SPRY3: variants seen among roughly 807,000 people sequenced by gnomAD.
SPRY3 encodes sprouty RTK signaling antagonist 3, also known as protein sprouty homolog 3.
A neutral mutation model predicts 20.2 loss-of-function variants in SPRY3; 15 were observed. That is an observed-to-expected ratio of 0.74 (90% CI 0.50 to 1.14). The LOEUF is 1.14. SPRY3 is among the 50% of genes most tolerant of loss of function. The pLI is 0.00. For synonymous variants in SPRY3, 143 were observed against 136.5 expected, an observed-to-expected ratio of 1.05 and a Z score of -0.33; for missense variants, 364 against 363.9, an observed-to-expected ratio of 1.00 and a Z score of 0.00.
At chrX:155,655,608 A>G (rs1228247407) in intron 1 of SPRY3, among the ~76,000 whole-genome samples, 1 of 111,836 alleles carries the variant, frequency 8.9e-6, no homozygotes, top group Non-Finnish European at 1.9e-5. Context: ...TATATTGAAT[A>G]GACTGACCTT....
At chrX:155,670,179 A>T (rs1301899580) in intron 2 of SPRY3, among the ~76,000 whole-genome samples, 2 of 111,629 alleles carry the variant, frequency 1.8e-5, no homozygotes, top group African/African-American at 6.5e-5. Flanking sequence ...ATTTGAACCC[A>T]GGTCTATCTC....
At chrX:155,746,977 A>G (rs1490346446) in intron 2 of SPRY3, among the ~76,000 whole-genome samples, 1 of 151,856 alleles carries the variant, frequency 6.6e-6, no homozygotes, top group African/African-American at 2.4e-5. Flanking sequence ...TCTTGGCTCC[A>G]AACTGTGGAT....
chrX:155,737,369 A>G (rs183875847), intron 2 of SPRY3, among the ~76,000 whole-genome samples: 26 of 152,266 alleles, frequency 1.7e-4, no homozygotes, highest in African/African-American at 5.8e-4. Context: ...TGGTGAGCAC[A>G]ATAGAAATAA....
At chrX:155,661,085 T>C (rs2068008433) in intron 2 of SPRY3, among the ~76,000 whole-genome samples, 1 of 111,804 alleles carries the variant, frequency 8.9e-6, no homozygotes, top group South Asian at 3.7e-4. Context: ...GTTATATAGG[T>C]GTTTTTTAGT....
At chrX:155,662,208 T>C (rs1557353766) in intron 2 of SPRY3, among the ~76,000 whole-genome samples, 1 of 111,280 alleles carries the variant, frequency 9.0e-6, no homozygotes. Context: ...GATGAGACTT[T>C]TTGTTTCCCC....
chrX:155,754,911 A>T (rs911648726), intron 2 of SPRY3, among the ~76,000 whole-genome samples: 2 of 152,054 alleles, frequency 1.3e-5, no homozygotes, highest in Non-Finnish European at 1.5e-5. Context: ...TAGATATACA[A>T]CTTACTTTTG....
intron 2 of SPRY3, among the ~76,000 whole-genome samples, chrX:155,742,980 A>G (rs1347161908): frequency 1.3e-5 from 2 of 152,132 alleles, no homozygotes. Context: ...TCAGAGTAGA[A>G]TTGAAGGAGA....
At chrX:155,766,346 T>C (rs1358368487) in intron 2 of SPRY3, among the ~76,000 whole-genome samples, 1 of 152,146 alleles carries the variant, frequency 6.6e-6, no homozygotes, top group East Asian at 1.9e-4. Flanking sequence ...AGCAATTACC[T>C]AATCAGATCC....
chrX:155,768,125 C>A (rs2091355144), exon 3 of SPRY3: 1 of 152,098 alleles, frequency 6.6e-6, no homozygotes, highest in Non-Finnish European at 1.5e-5. Context: ...ATGGATAAAC[C>A]ATTTCCTCAA....
intron 1 of SPRY3, among the ~76,000 whole-genome samples, chrX:155,627,958 T>G (rs1353890546): frequency 1.8e-5 from 2 of 110,868 alleles, no homozygotes; most frequent in Non-Finnish European, 3.8e-5. Context: ...ACTTCCAGCT[T>G]CATCCATGTC....
intron 2 of SPRY3, among the ~76,000 whole-genome samples, chrX:155,719,565 C>T (rs184162342): frequency 8.5e-5 from 13 of 152,184 alleles, no homozygotes; most frequent in African/African-American, 3.1e-4. Context: ...AAAGAGACCC[C>T]TTCCTTCCAC....
chrX:155,698,835 G>A (rs772584783), intron 2 of SPRY3, among the ~76,000 whole-genome samples: 2 of 111,993 alleles, frequency 1.8e-5, no homozygotes, highest in Non-Finnish European at 3.8e-5. Context: ...GGCTATCAAC[G>A]TGTAGTTGGG....
intron 2 of SPRY3, among the ~76,000 whole-genome samples, chrX:155,657,148 G>A (rs1557353075): frequency 1.8e-5 from 2 of 111,976 alleles, no homozygotes; most frequent in African/African-American, 6.5e-5. Flanking sequence ...AACCCTCCTT[G>A]TCAGGATCTG....
At chrX:155,764,164 G>T (rs763117252) in intron 2 of SPRY3, among the ~76,000 whole-genome samples, 3 of 152,246 alleles carry the variant, frequency 2.0e-5, no homozygotes, top group African/African-American at 4.8e-5. Context: ...AAAAGAGAAA[G>T]AAGGCATTGG....
rs926808648 is a variant in SPRY3 at position 155,751,944 on chromosome X, A to AAAAT, written c.-281-16014_-281-16011dup. ...GAAGGGAAATAAAATAAAATAAAAT[A>AAAAT]AAATAAAATAAAATAAAATAAAATA... On this transcript the variant is annotated intron_variant, in intron 2 of 3. Transcript: ENST00000675360. Among the ~76,000 whole-genome samples the AAAAT allele has an allele frequency of 8.5e-5, 5 of 58,506 alleles. 1 individual carries two copies. Among genetic ancestry groups the AAAAT allele is most frequent in the Non-Finnish European group, 1.5e-4 (5 of 33,550 alleles). The allele number at this position is 58,506 out of a possible 152,430, so 38.4% of individuals were successfully genotyped here.
intron 1 of SPRY3, among the ~76,000 whole-genome samples, chrX:155,644,486 G>A (rs782395386): frequency 2.7e-5 from 3 of 110,832 alleles, no homozygotes; most frequent in Non-Finnish European, 5.7e-5. Context: ...GCCAGGTATT[G>A]GCATCAAAGT....
chrX:155,706,939 G>C (rs1285906519), intron 2 of SPRY3, among the ~76,000 whole-genome samples: 3 of 150,610 alleles, frequency 2.0e-5, no homozygotes, highest in East Asian at 3.9e-4. Flanking sequence ...AACAATTTAT[G>C]GTTTAAATGA....
At chrX:155,759,990 T>A (rs1442555843) in intron 2 of SPRY3, among the ~76,000 whole-genome samples, 1 of 152,206 alleles carries the variant, frequency 6.6e-6, no homozygotes, top group Non-Finnish European at 1.5e-5. Flanking sequence ...CTCATCTGTA[T>A]CCCTAAACTT....
At chrX:155,669,573 G>A (rs1230685719) in intron 2 of SPRY3, among the ~76,000 whole-genome samples, 4 of 111,056 alleles carry the variant, frequency 3.6e-5, no homozygotes, top group African/African-American at 1.3e-4. Flanking sequence ...TAAAACATTA[G>A]ACAATTGAAT....
Sources: gnomAD v4.1 joint callset for allele counts (sites outside exome capture counted in the v4.1 genomes callset) on GRCh38, gnomAD v4.1.1 for gene constraint, MANE v1.5 for transcripts, NCBI Gene and HGNC (gene_info 2026-07-23, HGNC 2026-07-21) for gene names.